MIR2052HG: variants seen among roughly 807,000 people sequenced by gnomAD.
MIR2052HG encodes MIR2052 host gene.
chr8:74,677,395 A>G lies in MIR2052HG; in HGVS notation n.217-24984A>G, dbSNP rs1031025095. On this transcript the variant is annotated intron_variant and non_coding_transcript_variant, in intron 2 of 6. Coordinates refer to ENST00000523442, the Ensembl canonical transcript of MIR2052HG. Reference sequence around the variant, plus strand: ...ACATATCTTGTTCTCAAACACATAAAGAATATCTAAAAAAATTAATTATGT... The same window carrying G: ...ACATATCTTGTTCTCAAACACATAAGGAATATCTAAAAAAATTAATTATGT... 2.0e-5 allele frequency among the ~76,000 whole-genome samples: 3 copies of G among 152,098 alleles called. 1 individual carries two copies. The highest frequency in any genetic ancestry group is 2.0e-4 in the Admixed American group (3 of 15,270).
At chr8:74,621,130 C>T (rs1351273955) in intron 2 of MIR2052HG, among the ~76,000 whole-genome samples, 2 of 152,290 alleles carry the variant, frequency 1.3e-5, no homozygotes, top group South Asian at 2.1e-4. Flanking sequence ...CTTCATTGTC[C>T]ATATTGCTGT....
At chr8:74,624,560 G>A (rs1046764995) in intron 2 of MIR2052HG, among the ~76,000 whole-genome samples, 11 of 152,178 alleles carry the variant, frequency 7.2e-5, no homozygotes, top group Non-Finnish European at 1.2e-4. Context: ...CATTCTGTGA[G>A]ACAGTAATTT....
At chr8:74,757,646 C>T (rs1175988142) in intron 5 of MIR2052HG, 1 of 152,138 alleles carries the variant, frequency 6.6e-6, no homozygotes, top group Admixed American at 6.5e-5. Context: ...GATGAGTAGT[C>T]TCAAAATTTT....
intron 4 of MIR2052HG, among the ~76,000 whole-genome samples, chr8:74,722,749 A>T (rs1271566422): frequency 6.6e-6 from 1 of 152,224 alleles, no homozygotes; most frequent in Admixed American, 6.5e-5. Context: ...GTCAATGGTT[A>T]TCTCATTTAA....
chr8:74,642,024 TGTA>T (rs1808643927), intron 2 of MIR2052HG, among the ~76,000 whole-genome samples: 1 of 152,082 alleles, frequency 6.6e-6, no homozygotes, highest in Non-Finnish European at 1.5e-5. Context: ...TGACTGGTGG[TGTA>T]CTATGTACTT....
At chr8:74,757,578 C>T (rs576308705) in intron 5 of MIR2052HG, 3 of 152,236 alleles carry the variant, frequency 2.0e-5, no homozygotes, top group African/African-American at 7.2e-5. Flanking sequence ...GTCTTTTTTA[C>T]AAATGGGGAA....
chr8:74,636,416 A>G (rs1476834915), intron 2 of MIR2052HG, among the ~76,000 whole-genome samples: 4 of 152,170 alleles, frequency 2.6e-5, no homozygotes, highest in Non-Finnish European at 5.9e-5. Context: ...ACTAAGTTCC[A>G]TATATAAATT....
chr8:74,674,154 G>C (rs1809025858), intron 2 of MIR2052HG, among the ~76,000 whole-genome samples: 1 of 151,450 alleles, frequency 6.6e-6, no homozygotes, highest in Non-Finnish European at 1.5e-5. Flanking sequence ...GTGTGTGTGT[G>C]TGTGTGTGTG....
intron 4 of MIR2052HG, among the ~76,000 whole-genome samples, chr8:74,704,454 G>A (rs1282363705): frequency 6.6e-6 from 1 of 152,026 alleles, no homozygotes; most frequent in Non-Finnish European, 1.5e-5. Context: ...TGTCAGGAGG[G>A]TAGTAGTCAT....
intron 2 of MIR2052HG, among the ~76,000 whole-genome samples, chr8:74,693,613 G>T (rs191866772): frequency 3.2e-3 from 484 of 151,106 alleles, no homozygotes; most frequent in Non-Finnish European, 4.8e-3. Flanking sequence ...GCGGGGGCGG[G>T]GGGGGAGGGG....
intron 4 of MIR2052HG, among the ~76,000 whole-genome samples, chr8:74,738,217 A>G (rs761595341): frequency 3.8e-4 from 57 of 151,756 alleles, no homozygotes; most frequent in Non-Finnish European, 5.0e-4. Flanking sequence ...CCCTCAATCA[A>G]CCTTCTTCCT....
intron 2 of MIR2052HG, among the ~76,000 whole-genome samples, chr8:74,690,970 A>G (rs1809234114): frequency 6.6e-6 from 1 of 152,170 alleles, no homozygotes; most frequent in South Asian, 2.1e-4. Flanking sequence ...TGAGTCCCAT[A>G]ATTTTTGTTG....
rs530317904 is a variant in MIR2052HG, at chr8:74,675,994, G to GA, written n.217-26380dup. ...AGCTATGTTTAATAGCCAGAGAGAG[G>GA]AAAAATTCACCTGCAAACACACTAT... On this transcript the variant is annotated intron_variant and non_coding_transcript_variant, in intron 2 of 6. Coordinates refer to ENST00000523442, the Ensembl canonical transcript of MIR2052HG. Among the ~76,000 whole-genome samples, 714 of 152,014 alleles carry GA rather than the reference G, an allele frequency of 4.7e-3. 4 individuals carry two copies. Among genetic ancestry groups the GA allele is most frequent in the African/African-American group, 0.015 (626 of 41,502 alleles).
At chr8:74,698,241 AAAAC>A (rs1453533072) in intron 2 of MIR2052HG, among the ~76,000 whole-genome samples, 1 of 151,846 alleles carries the variant, frequency 6.6e-6, no homozygotes, top group Non-Finnish European at 1.5e-5. Context: ...AATACAAACA[AAAAC>A]AAAGTCGGGG....
intron 4 of MIR2052HG, among the ~76,000 whole-genome samples, chr8:74,718,072 T>C (rs1809538608): frequency 6.6e-6 from 1 of 152,186 alleles, no homozygotes; most frequent in Admixed American, 6.5e-5. Context: ...CAATGTTACG[T>C]TGATTACTGT....
intron 4 of MIR2052HG, among the ~76,000 whole-genome samples, chr8:74,745,110 A>T (rs1361319680): frequency 1.3e-5 from 2 of 152,056 alleles, no homozygotes; most frequent in Non-Finnish European, 2.9e-5. Flanking sequence ...AAAAATGTGA[A>T]AAAATGAAAA....
chr8:74,714,709 T>G (rs1007578476), intron 4 of MIR2052HG, among the ~76,000 whole-genome samples: 7 of 147,094 alleles, frequency 4.8e-5, no homozygotes, highest in South Asian at 2.2e-4. Flanking sequence ...TTTTTTTTTT[T>G]TTTTTTTTGT....
At chr8:74,733,531 G>A (rs1809717123) in intron 4 of MIR2052HG, among the ~76,000 whole-genome samples, 1 of 148,214 alleles carries the variant, frequency 6.7e-6, no homozygotes, top group African/African-American at 2.5e-5. Context: ...GAATAGTGCT[G>A]CAATAAACAT....
At chr8:74,609,643 T>C (rs1038564982) in intron 1 of MIR2052HG, 33 of 151,222 alleles carry the variant, frequency 2.2e-4, no homozygotes, top group African/African-American at 7.7e-4. Flanking sequence ...GTTTAACATA[T>C]AAAGATCAAT....
Sources: allele counts gnomAD v4.1 joint callset (sites outside exome capture counted in the v4.1 genomes callset), GRCh38; gene constraint gnomAD v4.1.1; transcripts MANE v1.5; gene names NCBI Gene and HGNC (gene_info 2026-07-23, HGNC 2026-07-21).